ZNF133: variants seen among roughly 807,000 people sequenced by gnomAD.
The protein encoded by ZNF133 is zinc finger protein 133 (clone pHZ-13).
ZNF133 carries 26 observed loss-of-function variants against 54.9 expected under a neutral mutation model. That is an observed-to-expected ratio of 0.47 (90% confidence interval 0.35 to 0.66). The LOEUF (loss-of-function observed/expected upper bound fraction) is 0.66. Ranked by LOEUF, ZNF133 falls within the 30% of genes least tolerant of loss-of-function variation. The pLI is 0.01. For synonymous variants in ZNF133, 298 were observed against 320.3 expected (o/e 0.93, Z 0.74); for missense variants, 653 against 820.8 (o/e 0.80, Z 2.50).
At chr20:18,314,831 A>T in intron 6 of ZNF133, 2 of 417,338 alleles carry the variant, frequency 4.8e-6, no homozygotes, top group Non-Finnish European at 8.4e-6. Context: ...CACACCCAAA[A>T]ATGCCAGGGA....
Position 18,298,328 on chromosome 20 carries a change from T to C in ZNF133, c.-314T>C. ...CTGCCTGAGAGTAACGTCACAGTAA[T>C]GGAACGGGAAGATTCTGGAATCTGT... is the stretch of plus-strand genomic sequence containing the variant. On this transcript the variant is annotated 5_prime_UTR_variant, in exon 3 of 7. The change abolishes an upstream ATG in the 5' untranslated region. Coordinates refer to ENST00000425686, the MANE Select transcript of ZNF133 (RefSeq NM_001352452.2). 6 of 1,314,508 alleles carry C rather than the reference T, an allele frequency of 4.6e-6. No homozygotes were observed. Among genetic ancestry groups the C allele is most frequent in the Non-Finnish European group, 5.8e-6 (6 of 1,031,812 alleles). 81.4% of individuals were successfully genotyped at this position (1,314,508 alleles called of 1,614,324 possible).
At chr20:18,299,389 G>A (rs1302852102) in intron 3 of ZNF133, among the ~76,000 whole-genome samples, 1 of 152,196 alleles carries the variant, frequency 6.6e-6, no homozygotes, top group African/African-American at 2.4e-5. Flanking sequence ...CAATTATCAA[G>A]TCTGAGGGAC....
rs772335162 is a variant in ZNF133 at position 18,316,099 on chromosome 20, G to C, written c.1248G>C (p.Gly416=). 1.4e-5 allele frequency: 23 copies of C among 1,612,392 alleles called. No individual in the cohort carries two copies. Among genetic ancestry groups the C allele is most frequent in the East Asian group, 2.2e-5 (1 of 44,806 alleles). ...AGCCCTATGTGTGCGGGGTGTGTGG[G>C]CACAGCTTCAGCCAGAATTCAACCC... is the stretch of plus-strand genomic sequence containing the variant. ...KEKPYVCGVC[G]HSFSQNSTLI... is the part of the protein sequence containing the mutation. Residue 416 remains glycine, a synonymous_variant, in exon 7 of 7, where the codon GGG becomes GGC. Transcript: ENST00000425686.
At chr20:18,304,170 A>G (rs1377948820) in intron 3 of ZNF133, among the ~76,000 whole-genome samples, 1 of 152,228 alleles carries the variant, frequency 6.6e-6, no homozygotes, top group Non-Finnish European at 1.5e-5. Context: ...TATCATTCAC[A>G]TTAGGAAAAT....
At position 18,316,952 on chromosome 20, in the gene ZNF133, G is replaced by A. The variant is rs1201110074; in HGVS notation, c.*136G>A. 3 of 1,139,810 alleles carry A rather than the reference G, an allele frequency of 2.6e-6. No homozygotes were observed. The East Asian group carries it at 7.7e-5, about 29-fold the overall frequency. The allele number at this position is 1,139,810 out of a possible 1,614,324, so 70.6% of individuals were successfully genotyped here. On this transcript the variant is annotated 3_prime_UTR_variant, in exon 7 of 7. Coordinates refer to ENST00000425686, the MANE Select transcript of ZNF133 (RefSeq NM_001352452.2). ...CCACACTAAGTCTTCTCCATGTTTTGTGGCCTTCGGTTGTAATAAACTTGG... is the reference window on the plus strand; with the variant it reads ...CCACACTAAGTCTTCTCCATGTTTTATGGCCTTCGGTTGTAATAAACTTGG...
At chr20:18,300,783 C>T (rs1426010326) in intron 3 of ZNF133, among the ~76,000 whole-genome samples, 1 of 151,944 alleles carries the variant, frequency 6.6e-6, no homozygotes, top group African/African-American at 2.4e-5. Context: ...TACACATATA[C>T]CTCATAACAG....
At chr20:18,310,425 G>A in intron 6 of ZNF133, 8 of 1,114,570 alleles carry the variant, frequency 7.2e-6, no homozygotes, top group Non-Finnish European at 9.6e-6. Context: ...TTTCTCGGCT[G>A]TTTCATTAAT....
At chr20:18,313,416 C>T (rs1006764369) in intron 6 of ZNF133, 6 of 152,168 alleles carry the variant, frequency 3.9e-5, no homozygotes, top group Non-Finnish European at 5.9e-5. Context: ...ATATCAGAAG[C>T]CTTGGTTCTT....
Position 18,316,334 on chromosome 20 carries a change from G to A in ZNF133, c.1483G>A (p.Val495Met). 1.2e-6 allele frequency: 2 copies of A among 1,613,674 alleles called. No homozygotes were observed. Among genetic ancestry groups the A allele is most frequent in the Non-Finnish European group, 1.7e-6 (2 of 1,179,838 alleles). Residue 495 changes from valine to methionine, a missense_variant, in exon 7 of 7, where the codon GTG becomes ATG. By Grantham distance (21) the Val-to-Met change is conservative. Transcript: ENST00000425686. ...QRTHSGEKPM[V>M]CGECGRGFSQ... The stretch of plus-strand genomic sequence containing the variant: ...GACGCACTCAGGCGAGAAGCCCATG[G>A]TGTGTGGGGAGTGCGGGCGAGGCTT...
Position 18,316,124 on chromosome 20 carries a change from C to T in ZNF133, c.1273C>T (p.Leu425Phe). The T allele has an allele frequency of 6.2e-7, 1 of 1,612,738 alleles. No homozygotes were observed. The highest frequency in any genetic ancestry group is 8.5e-7 in the Non-Finnish European group (1 of 1,179,176). The change falls in exon 7 of 7, where the codon CTC becomes TTC. Residue 425 changes from leucine to phenylalanine, a missense_variant. Leu to Phe is a conservative substitution (Grantham distance 22, BLOSUM62 0). Transcript: ENST00000425686. The stretch of plus-strand genomic sequence containing the variant: ...GCACAGCTTCAGCCAGAATTCAACC[C>T]TCATCTCTCACAGGCGGACACACAC... ...CGHSFSQNST[L>F]ISHRRTHTGE...
intron 3 of ZNF133, among the ~76,000 whole-genome samples, chr20:18,300,939 G>A (rs1207477793): frequency 6.6e-6 from 1 of 152,008 alleles, no homozygotes; most frequent in Admixed American, 6.5e-5. Context: ...CTTGAACAAG[G>A]TGTAAATCCA....
intron 6 of ZNF133, 50 bp downstream of exon 6, chr20:18,306,443 G>T (rs1320243698): frequency 6.4e-7 from 1 of 1,561,328 alleles, no homozygotes; most frequent in Non-Finnish European, 8.8e-7. Context: ...GCAGCTCAGA[G>T]GACTGGGGGA....
At chr20:18,304,237 TA>T (rs771385082) in intron 3 of ZNF133, among the ~76,000 whole-genome samples, 2 of 151,998 alleles carry the variant, frequency 1.3e-5, no homozygotes, top group East Asian at 1.9e-4. Context: ...GCTATTACTT[TA>T]AAAAAAACCC....
At position 18,288,544 on chromosome 20, in the gene ZNF133, C is replaced by T. The variant is rs865999181; in HGVS notation, c.-492C>T. 3 of 398,646 alleles carry T rather than the reference C, an allele frequency of 7.5e-6. No homozygotes were observed. Among genetic ancestry groups the T allele is most frequent in the Middle Eastern group, 6.3e-4 (1 of 1,588 alleles). 24.7% of individuals were successfully genotyped at this position (398,646 alleles called of 1,614,324 possible). ...GATTCGGGGTAGTGTAGTCCTGGCG[C>T]CCCGCTGGAGGAGCTCCCCAGCTGG... On this transcript the variant is annotated 5_prime_UTR_variant, in exon 1 of 7. Coordinates refer to ENST00000425686, the MANE Select transcript of ZNF133 (RefSeq NM_001352452.2).
chr20:18,302,305 A>AG (rs1452969628), intron 3 of ZNF133, among the ~76,000 whole-genome samples: 7 of 151,674 alleles, frequency 4.6e-5, no homozygotes, highest in African/African-American at 1.7e-4. Context: ...CTGGAGGCTG[A>AG]GGCAGGAGAA....
chr20:18,315,503 G>A lies in ZNF133; in HGVS notation c.652G>A (p.Glu218Lys). ...AGGATTTGGAACAGTCAACTGTGGA[G>A]AGTGTGGACTGAGCTTCAGCAAGAT... ...VLGFGTVNCGECGLSFSKMTN... is the reference protein window; with the variant it reads ...VLGFGTVNCGKCGLSFSKMTN... Residue 218 changes from glutamate to lysine, a missense_variant, in exon 7 of 7, where the codon GAG becomes AAG. By Grantham distance (56) the Glu-to-Lys change is moderately conservative. Around this residue, in one of 4 missense-constraint regions of ZNF133, gnomAD observed 292 missense variants for 431.6 expected, o/e 0.68. Coordinates refer to ENST00000425686, the MANE Select transcript of ZNF133 (RefSeq NM_001352452.2). 6.2e-7 allele frequency: 1 copy of A among 1,614,216 alleles called. No individual in the cohort carries two copies. The highest frequency in any genetic ancestry group is 8.5e-7 in the Non-Finnish European group (1 of 1,180,042).
chr20:18,292,191 A>G (rs968343062), intron 1 of ZNF133, among the ~76,000 whole-genome samples: 18 of 152,186 alleles, frequency 1.2e-4, no homozygotes, highest in African/African-American at 2.2e-4. Context: ...GTTTCTGCCT[A>G]TGTCCCGCTA....
At chr20:18,299,763 G>A (rs777921759) in intron 3 of ZNF133, among the ~76,000 whole-genome samples, 6 of 152,124 alleles carry the variant, frequency 3.9e-5, no homozygotes, top group Admixed American at 2.0e-4. Context: ...AAAACCTCTC[G>A]GGCCAGACGT....
chr20:18,312,863 C>T (rs1316539613), intron 6 of ZNF133: 1 of 152,188 alleles, frequency 6.6e-6, no homozygotes, highest in Non-Finnish European at 1.5e-5. Flanking sequence ...GTGCACACCA[C>T]CACAACCAGC....
Sources: allele counts gnomAD v4.1 joint callset (sites outside exome capture counted in the v4.1 genomes callset), GRCh38; gene constraint gnomAD v4.1.1; regional missense constraint gnomAD v4.1.1; transcripts MANE v1.5; gene names NCBI Gene and HGNC (gene_info 2026-07-23, HGNC 2026-07-21).